GARNL3: variants seen among roughly 807,000 people sequenced by gnomAD.
GARNL3 encodes the protein GTPase activating Rap/RanGAP domain like 3.
A neutral mutation model predicts 125.0 loss-of-function variants in GARNL3; 63 were observed. The ratio of observed to expected loss-of-function variants is 0.50; its 90% confidence interval spans 0.41 to 0.62. The LOEUF is 0.62. GARNL3 is among the 20% of genes least tolerant of loss of function. The pLI, the probability that GARNL3 is intolerant of heterozygous loss-of-function variation, is 0.00. For missense variants in GARNL3, 994 were observed against 1,244.0 expected, an observed-to-expected ratio of 0.80 and a Z score of 3.02; for synonymous variants, 439 against 457.5, an observed-to-expected ratio of 0.96 and a Z score of 0.52.
In GARNL3 at chr9:127,338,829, G is replaced by A. The variant is rs193037286; in HGVS notation, c.1028+668G>A. ...CTCAAAGCACATTGACTAAGCTGGA[G>A]GGGAAAGCGAGGTAGTGGCCTCGGC... On this transcript the variant is annotated intron_variant, in intron 12 of 27. Transcript: ENST00000373387. 1.6e-4 allele frequency among the ~76,000 whole-genome samples: 25 copies of A among 152,332 alleles called. No individual in the cohort carries two copies. In the East Asian group the frequency reaches 4.8e-3, roughly 29 times the overall value.
rs1173365075 is a variant in GARNL3 at position 127,385,531 on chromosome 9, G to C, written c.2388+386G>C. Among the ~76,000 whole-genome samples, 2 of 152,172 alleles carry C rather than the reference G, an allele frequency of 1.3e-5. No individual in the cohort carries two copies. Among genetic ancestry groups the C allele is most frequent in the Non-Finnish European group, 2.9e-5 (2 of 68,032 alleles). On this transcript the variant is annotated intron_variant, in intron 24 of 27. Coordinates refer to ENST00000373387, the MANE Select transcript of GARNL3 (RefSeq NM_032293.5). The surrounding 1 kb of genome is among the most constrained non-coding windows in gnomAD (Gnocchi z 4.1). ...CTTTCCCACCCTCTATCCTCAGTTT[G>C]AATTCTTAGCCTATGAAACATGGCT...
Position 127,342,309 on chromosome 9 carries a change from A to G in GARNL3, c.1226A>G (p.Gln409Arg), listed in dbSNP as rs993680055. Reference protein sequence around the residue: ...TLDMLIRSLHQDLMPDLHKNM... With the variant: ...TLDMLIRSLHRDLMPDLHKNM... ...GATATGTTGATTAGATCTTTACACCAGGATTTGATGCCAGATTTGCATAAG... is the reference window on the plus strand; with the variant it reads ...GATATGTTGATTAGATCTTTACACCGGGATTTGATGCCAGATTTGCATAAG... The change falls in exon 14 of 28, where the codon CAG (glutamine) becomes CGG (arginine). Residue 409 changes from glutamine (Q) to arginine (R), a missense_variant. Coordinates refer to ENST00000373387, the MANE Select transcript of GARNL3 (RefSeq NM_032293.5). 6.2e-7 allele frequency: 1 copy of G among 1,611,736 alleles called. No homozygotes were observed. Among genetic ancestry groups the G allele is most frequent in the African/African-American group, 1.3e-5 (1 of 74,888 alleles).
At chr9:127,314,808 A>C (rs1033387098) in intron 4 of GARNL3, among the ~76,000 whole-genome samples, 3 of 152,192 alleles carry the variant, frequency 2.0e-5, no homozygotes, top group Non-Finnish European at 4.4e-5. Flanking sequence ...GAAGACAGAG[A>C]ATGACAGAGC....
At chr9:127,225,170 T>A in intron 1 of GARNL3, 1 of 58,736 alleles carries the variant, frequency 1.7e-5, no homozygotes, top group Non-Finnish European at 2.9e-5. Flanking sequence ...GGCTGGGCTG[T>A]GGTTCGGGGC....
intron 12 of GARNL3, among the ~76,000 whole-genome samples, chr9:127,338,955 T>C (rs1288098703): frequency 6.6e-6 from 1 of 152,200 alleles, no homozygotes; most frequent in Non-Finnish European, 1.5e-5. Flanking sequence ...GGTGTATTAC[T>C]TCATTTTCAT....
At chr9:127,273,874 A>G (rs1234973338) in intron 1 of GARNL3, among the ~76,000 whole-genome samples, 2 of 152,176 alleles carry the variant, frequency 1.3e-5, no homozygotes, top group Admixed American at 1.3e-4. Flanking sequence ...ATTGGCTCCT[A>G]GGAAGCTCCG....
At chr9:127,267,047 A>C (rs1588714251) in intron 1 of GARNL3, among the ~76,000 whole-genome samples, 1 of 152,144 alleles carries the variant, frequency 6.6e-6, no homozygotes, top group South Asian at 2.1e-4. Context: ...ACAATTTGCA[A>C]TTCTAACAAG....
upstream of GARNL3, among the ~76,000 whole-genome samples, chr9:127,259,539 G>A (rs2063548032): frequency 6.6e-6 from 1 of 152,158 alleles, no homozygotes; most frequent in African/African-American, 2.4e-5. Flanking sequence ...CTAGGCCAAC[G>A]CTTTTAGGGA....
rs758309769 is a variant in GARNL3 at position 127,342,231 on chromosome 9, A to G, written c.1148A>G (p.Glu383Gly). The G allele has an allele frequency of 1.2e-6, 2 of 1,609,470 alleles. No individual in the cohort carries two copies. Among genetic ancestry groups the G allele is most frequent in the South Asian group, 1.1e-5 (1 of 90,916 alleles). ...DFLLVKLINGEKATLETPTFA... is the reference protein window; with the variant it reads ...DFLLVKLINGGKATLETPTFA... ...TGATTTATTTTAGTAATTAATGGTGAAAAAGCCACTTTGGAAACCCCAACA... is the reference window on the plus strand; with the variant it reads ...TGATTTATTTTAGTAATTAATGGTGGAAAAGCCACTTTGGAAACCCCAACA... The change falls in exon 14 of 28, where the codon GAA becomes GGA. Residue 383 changes from glutamate to glycine, a missense_variant. Around this residue, in one of 5 missense-constraint regions of GARNL3, gnomAD observed 728 missense variants for 865.7 expected, o/e 0.84. Transcript: ENST00000373387.
chr9:127,319,764 T>G (rs967014401), intron 5 of GARNL3, among the ~76,000 whole-genome samples: 3 of 152,192 alleles, frequency 2.0e-5, no homozygotes, highest in African/African-American at 7.2e-5. Flanking sequence ...TGTGAATTCT[T>G]TTTTCTAAAA....
chr9:127,265,065 T>C, intron 1 of GARNL3, 44 bp downstream of exon 1: 1 of 1,530,046 alleles, frequency 6.5e-7, no homozygotes, highest in Non-Finnish European at 8.9e-7. Context: ...TTGATTTAGA[T>C]TTAGAGACGA....
In GARNL3 at chr9:127,345,413, T is replaced by G; in HGVS notation, c.1367T>G (p.Leu456Arg). Residue 456 changes from leucine (L) to arginine (R), a missense_variant, in exon 16 of 28, where the codon CTG (leucine) becomes CGG (arginine). By Grantham distance (102) the Leu-to-Arg change is moderately radical (BLOSUM62 -2). Around this residue, in one of 5 missense-constraint regions of GARNL3, gnomAD observed 728 missense variants for 865.7 expected, o/e 0.84. Transcript: ENST00000373387. Reference sequence around the variant, plus strand: ...TCTCTGTTCTGTAAGGCACTAAAACTGAAATCCATTGTGAGAGGGGATGCT... The same window carrying G: ...TCTCTGTTCTGTAAGGCACTAAAACGGAAATCCATTGTGAGAGGGGATGCT... ...EFVRIGQALKLKSIVRGDAPS... is the reference protein window; with the variant it reads ...EFVRIGQALKRKSIVRGDAPS... 6.2e-7 allele frequency: 1 copy of G among 1,604,814 alleles called. No individual in the cohort carries two copies.
chr9:127,261,693 G>A (rs565456381), upstream of GARNL3, among the ~76,000 whole-genome samples: 337 of 152,262 alleles, frequency 2.2e-3, no homozygotes, highest in Middle Eastern at 0.017. Context: ...GATTACAGGC[G>A]TGAGCCACCG....
chr9:127,299,208 T>C (rs1819914387), intron 2 of GARNL3, among the ~76,000 whole-genome samples: 1 of 150,362 alleles, frequency 6.7e-6, no homozygotes, highest in Admixed American at 6.7e-5. Context: ...ATCCAGCTAC[T>C]CGGGAAGCTG....
intron 27 of GARNL3, among the ~76,000 whole-genome samples, chr9:127,391,779 C>T (rs1174060502): frequency 1.3e-5 from 2 of 151,142 alleles, no homozygotes; most frequent in African/African-American, 4.9e-5. Flanking sequence ...ACTGGTAGCA[C>T]ATACACAGTC....
At chr9:127,231,440 A>G (rs528892603) in intron 1 of GARNL3, among the ~76,000 whole-genome samples, 1 of 152,172 alleles carries the variant, frequency 6.6e-6, no homozygotes, top group Non-Finnish European at 1.5e-5. Context: ...GAAATTGATG[A>G]ACCAGAGTTA....
intron 22 of GARNL3, among the ~76,000 whole-genome samples, chr9:127,369,846 C>T (rs1831511857): frequency 1.3e-5 from 2 of 152,076 alleles, no homozygotes; most frequent in Admixed American, 6.5e-5. Context: ...ATGGGGGAAG[C>T]TCCAATAGGG....
intron 1 of GARNL3, among the ~76,000 whole-genome samples, chr9:127,233,859 T>C (rs2063064568): frequency 6.6e-6 from 1 of 152,232 alleles, no homozygotes. Flanking sequence ...TGCCTCCTTT[T>C]CTTCTTCCTT....
In GARNL3 at chr9:127,273,555, A is replaced by G. The variant is rs186971999; in HGVS notation, c.144+8534A>G. ...GATCAAGCCCAACCATAAGTTAGCTACAAACACTTGGCCTGCCTTTGTTGG... is the reference window on the plus strand; with the variant it reads ...GATCAAGCCCAACCATAAGTTAGCTGCAAACACTTGGCCTGCCTTTGTTGG... On this transcript the variant is annotated intron_variant, in intron 1 of 27. Transcript: ENST00000373387. Among the ~76,000 whole-genome samples the G allele has an allele frequency of 3.9e-5, 6 of 152,350 alleles. No homozygotes were observed. In the East Asian group the frequency reaches 9.6e-4, roughly 24 times the overall value.
Sources: allele counts gnomAD v4.1 joint callset (sites outside exome capture counted in the v4.1 genomes callset), GRCh38; gene constraint gnomAD v4.1.1; regional missense constraint gnomAD v4.1.1; non-coding constraint Gnocchi (gnomAD v3.1); transcripts MANE v1.5; gene names NCBI Gene and HGNC (gene_info 2026-07-23, HGNC 2026-07-21).